The following PDZD2 variants were observed in gnomAD, a reference collection of about 807,000 sequenced individuals.
PDZD2 encodes the protein PDZ domain containing 2.
A neutral mutation model predicts 220.7 loss-of-function variants in PDZD2; 90 were observed. The ratio of observed to expected loss-of-function variants is 0.41; its 90% CI spans 0.34 to 0.49. PDZD2 has a LOEUF of 0.49. Ranked by LOEUF, PDZD2 falls within the 20% of genes least tolerant of loss-of-function variation. The pLI, the probability that PDZD2 is intolerant of heterozygous loss-of-function variation, is 0.28. For synonymous variants in PDZD2, 1,375 were observed against 1,450.5 expected (o/e 0.95, Z 1.18); for missense variants, 3,174 against 3,608.5 (o/e 0.88, Z 3.08).
chr5:31,684,152 G>A (rs1024634257), intron 1 of PDZD2, among the ~76,000 whole-genome samples: 1 of 152,176 alleles, frequency 6.6e-6, no homozygotes, highest in African/African-American at 2.4e-5. Flanking sequence ...CAAATTTACA[G>A]GTGAGCTCCA....
intron 1 of PDZD2, among the ~76,000 whole-genome samples, chr5:31,790,730 G>A (rs1280865679): frequency 1.8e-5 from 2 of 113,540 alleles, no homozygotes; most frequent in South Asian, 5.9e-4. Flanking sequence ...ACAGAGTCTC[G>A]CTCTTTCGCT....
At chr5:32,012,746 C>G (rs1753425241) in intron 6 of PDZD2, among the ~76,000 whole-genome samples, 2 of 151,982 alleles carry the variant, frequency 1.3e-5, no homozygotes, top group African/African-American at 2.4e-5. Context: ...TTATTTAATT[C>G]AAACTTCATA....
chr5:31,871,802 A>C lies in PDZD2; in HGVS notation c.476+72078A>C, dbSNP rs533746526. 3.0e-4 allele frequency among the ~76,000 whole-genome samples: 45 copies of C among 151,312 alleles called. No individual in the cohort carries two copies. In the South Asian group the frequency reaches 9.0e-3, roughly 30 times the overall value. ...GTCAAGCCAAAATAAAATGAACATAAATACAGGGTTTTTTGTTTGTATTTG... is the reference window on the plus strand; with the variant it reads ...GTCAAGCCAAAATAAAATGAACATACATACAGGGTTTTTTGTTTGTATTTG... On this transcript the variant is annotated intron_variant, in intron 2 of 24. Coordinates refer to ENST00000438447, the MANE Select transcript of PDZD2 (RefSeq NM_178140.4).
At chr5:31,893,878 CATTT>C (rs66512107) in intron 2 of PDZD2, among the ~76,000 whole-genome samples, 89,366 of 148,162 alleles carry the variant, frequency 0.6, 27,691 homozygotes, top group East Asian at 0.73. Flanking sequence ...ATAATCAGCA[CATTT>C]ATTTATTTAT....
chr5:31,694,797 AT>A (rs575393610), intron 1 of PDZD2, among the ~76,000 whole-genome samples: 67 of 75,022 alleles, frequency 8.9e-4, no homozygotes, highest in East Asian at 4.0e-3. Flanking sequence ...TTATTTATTT[AT>A]TTTTTTTTTG....
chr5:31,858,898 T>C (rs1050126624), intron 2 of PDZD2, among the ~76,000 whole-genome samples: 2 of 152,134 alleles, frequency 1.3e-5, no homozygotes, highest in Non-Finnish European at 2.9e-5. Flanking sequence ...TTTGTATCTT[T>C]AGTAGAGTCG....
Position 31,856,930 on chromosome 5 carries a change from AT to A in PDZD2, c.476+57207del, listed in dbSNP as rs1561514497. 1.8e-3 allele frequency among the ~76,000 whole-genome samples: 243 copies of A among 138,788 alleles called. 1 individual carries two copies. The highest frequency in any genetic ancestry group is 5.7e-3 in the African/African-American group (204 of 35,970). The allele number at this position is 138,788 out of a possible 152,430, so 91.1% of individuals were successfully genotyped here. A position where few individuals can be genotyped will look rare whatever the true frequency, so the allele number is the denominator to read the frequency against. On this transcript the variant is annotated intron_variant, in intron 2 of 24. Transcript: ENST00000438447. ...AAACTATATATATATATATATATAT[AT>A]ATATAACTTTAAAAAGTCAAATATG...
intron 2 of PDZD2, among the ~76,000 whole-genome samples, chr5:31,891,288 C>G (rs1741016778): frequency 6.6e-6 from 1 of 152,044 alleles, no homozygotes; most frequent in African/African-American, 2.4e-5. Flanking sequence ...AGACATGTGC[C>G]ACCATGCCCG....
chr5:31,730,583 TGTGTGTGTG>T (rs1749473515), intron 1 of PDZD2, among the ~76,000 whole-genome samples: 1 of 114,040 alleles, frequency 8.8e-6, no homozygotes, highest in African/African-American at 3.4e-5. Context: ...TGTGTGTGTG[TGTGTGTGTG>T]GTGTGTGTGT....
Position 32,097,259 on chromosome 5 carries a change from T to C in PDZD2, c.7846-20T>C, listed in dbSNP as rs951242218. On this transcript the variant is annotated intron_variant, in intron 21 of 24. Coordinates refer to ENST00000438447, the MANE Select transcript of PDZD2 (RefSeq NM_178140.4). Reference sequence around the variant, plus strand: ...TTTGCAGCTGTAGCTCAAAGGATAATTTTTGTTTGTTTTCACTAGAATGAA... The same window carrying C: ...TTTGCAGCTGTAGCTCAAAGGATAACTTTTGTTTGTTTTCACTAGAATGAA... 3.3e-6 allele frequency: 5 copies of C among 1,504,948 alleles called. No individual in the cohort carries two copies. In the African/African-American group the frequency reaches 6.9e-5, roughly 21 times the overall value. 93.2% of individuals were successfully genotyped at this position (1,504,948 alleles called of 1,614,324 possible). A position where few individuals can be genotyped will look rare whatever the true frequency, so the allele number is the denominator to read the frequency against.
Position 32,077,817 on chromosome 5 carries a change from C to T in PDZD2, c.3682+211C>T, listed in dbSNP as rs973040130. ...ACTAAAAATACAAAAATTAGCCGGG[C>T]GTGGTGGTGCGCACCTTTAATCCCA... On this transcript the variant is annotated intron_variant, in intron 19 of 24. Coordinates refer to ENST00000438447, the MANE Select transcript of PDZD2 (RefSeq NM_178140.4). 6.6e-6 allele frequency: 3 copies of T among 456,376 alleles called. No homozygotes were observed. Among genetic ancestry groups the T allele is most frequent in the South Asian group, 6.0e-5 (3 of 49,954 alleles). The allele number at this position is 456,376 out of a possible 1,614,324, so 28.3% of individuals were successfully genotyped here.
chr5:31,723,948 G>T (rs796185713), intron 1 of PDZD2, among the ~76,000 whole-genome samples: 7 of 152,080 alleles, frequency 4.6e-5, no homozygotes, highest in African/African-American at 1.7e-4. Flanking sequence ...ATAAACTGAG[G>T]TGTGAAAGGC....
intron 1 of PDZD2, among the ~76,000 whole-genome samples, chr5:31,775,475 A>G (rs992961800): frequency 3.3e-5 from 5 of 152,060 alleles, no homozygotes; most frequent in Non-Finnish European, 5.9e-5. Flanking sequence ...GCTCAGTTCT[A>G]TACTTGTCAC....
intron 17 of PDZD2, 141 bp from the exon 18 acceptor site, chr5:32,073,691 C>G (rs1408267327): frequency 1.5e-6 from 1 of 689,140 alleles, no homozygotes; most frequent in Non-Finnish European, 2.6e-6. Flanking sequence ...GTTGCCTAGG[C>G]CTTGTGTCCA....
chr5:31,849,970 A>AG lies in PDZD2; in HGVS notation c.476+50246_476+50247insG, dbSNP rs1561507418. On this transcript the variant is annotated intron_variant, in intron 2 of 24. Transcript: ENST00000438447. ...TATACATATATATATATACACATAT[A>AG]TATATATACATATATATATATACAC... Among the ~76,000 whole-genome samples, 16 of 33,182 alleles carry AG rather than the reference A, an allele frequency of 4.8e-4. 5 individuals are homozygous for AG. Among genetic ancestry groups the AG allele is most frequent in the African/African-American group, 3.3e-3 (14 of 4,234 alleles). 21.8% of individuals were successfully genotyped at this position (33,182 alleles called of 152,430 possible).
intron 5 of PDZD2, among the ~76,000 whole-genome samples, chr5:32,002,849 C>G (rs554110086): frequency 8.3e-6 from 1 of 120,888 alleles, no homozygotes; most frequent in East Asian, 2.8e-4. Context: ...ACACCACACA[C>G]CAACACACAC....
chr5:32,071,427 A>G lies in PDZD2; in HGVS notation c.2568+9A>G. 3 of 1,604,432 alleles carry G rather than the reference A, an allele frequency of 1.9e-6. No individual in the cohort carries two copies. Among genetic ancestry groups the G allele is most frequent in the African/African-American group, 1.3e-5 (1 of 74,828 alleles). ...CCTCTCTTGCAAAAAAGGTGAGTCA[A>G]GGTGAACTGCTACCTGCCTCCCTCA... On this transcript the variant is annotated intron_variant, in intron 16 of 24. Coordinates refer to ENST00000438447, the MANE Select transcript of PDZD2 (RefSeq NM_178140.4).
chr5:32,051,015 G>A (rs1171889645), intron 8 of PDZD2, among the ~76,000 whole-genome samples: 1 of 151,992 alleles, frequency 6.6e-6, no homozygotes, highest in Non-Finnish European at 1.5e-5. Flanking sequence ...GATACCTACA[G>A]GTGGCAAGTG....
intron 2 of PDZD2, among the ~76,000 whole-genome samples, chr5:31,897,537 G>T (rs1444343950): frequency 1.3e-5 from 2 of 152,172 alleles, no homozygotes; most frequent in Non-Finnish European, 2.9e-5. Flanking sequence ...GTTGTCACTG[G>T]AGTTGAATCT....
Sources: allele counts gnomAD v4.1 joint callset (sites outside exome capture counted in the v4.1 genomes callset), GRCh38; gene constraint gnomAD v4.1.1; transcripts MANE v1.5; gene names NCBI Gene and HGNC (gene_info 2026-07-23, HGNC 2026-07-21).